The following SYDE1 variants were observed in gnomAD, a reference collection of about 807,000 sequenced individuals.
SYDE1 encodes the protein synapse defective Rho GTPase activating protein 1.
SYDE1 carries 34 observed loss-of-function variants against 63.3 expected under a neutral mutation model. The ratio of observed to expected loss-of-function variants is 0.54; its 90% CI spans 0.41 to 0.71. The LOEUF (loss-of-function observed/expected upper bound fraction) is 0.71. Among genes scored for constraint, SYDE1 ranks in the 30% least tolerant of loss-of-function variants. The pLI, the probability that SYDE1 is intolerant of heterozygous loss-of-function variation, is 0.00. For missense variants in SYDE1, 925 were observed against 1,042.5 expected (o/e 0.89, Z 1.55); for synonymous variants, 467 against 473.4 (o/e 0.99, Z 0.18).
intron 6 of SYDE1, among the ~76,000 whole-genome samples, chr19:15,112,004 A>G (rs552455131): frequency 1.3e-5 from 2 of 152,322 alleles, no homozygotes; most frequent in African/African-American, 2.4e-5. Context: ...GGATGTGTCA[A>G]AAATGCAGGC....
intron 7 of SYDE1, 107 bp downstream of exon 7, chr19:15,112,678 T>A: frequency 1.1e-6 from 1 of 909,386 alleles, no homozygotes; most frequent in Non-Finnish European, 1.6e-6. Context: ...CGCCCCCTCA[T>A]GGAGTAAACT....
chr19:15,113,684 C>G lies in SYDE1; in HGVS notation c.1929C>G (p.Pro643=), dbSNP rs1442195711. The change falls in exon 8 of 8, where the codon CCC becomes CCG. Residue 643 remains proline, a synonymous_variant. Coordinates refer to ENST00000342784, the MANE Select transcript of SYDE1 (RefSeq NM_033025.6). The part of the protein sequence containing the change: ...VVTRPRGRGG[P]ESPPSNRYAG... Reference sequence around the variant, plus strand: ...CTCGGCCCCGCGGTCGAGGAGGCCCCGAAAGCCCCCCGAGCAACCGCTACG... The same window carrying G: ...CTCGGCCCCGCGGTCGAGGAGGCCCGGAAAGCCCCCCGAGCAACCGCTACG... 1.2e-6 allele frequency: 2 copies of G among 1,613,208 alleles called. No homozygotes were observed. Among genetic ancestry groups the G allele is most frequent in the Non-Finnish European group, 1.7e-6 (2 of 1,179,846 alleles).
At position 15,111,243 on chromosome 19, in the gene SYDE1, TCACCCCA is replaced by T. The variant is rs1568329146; in HGVS notation, c.1291-68_1291-62del. 8 of 1,560,680 alleles carry T rather than the reference TCACCCCA, an allele frequency of 5.1e-6. No individual in the cohort carries two copies. Among genetic ancestry groups the T allele is most frequent in the Middle Eastern group, 1.7e-4 (1 of 5,862 alleles). ...GCTGCCTGGCCCAGAATTCCAGTGCTCACCCCACTGGGCCCTGATTAGTCTGTGGCCC... is the reference window on the plus strand; with the variant it reads ...GCTGCCTGGCCCAGAATTCCAGTGCTCTGGGCCCTGATTAGTCTGTGGCCC... On this transcript the variant is annotated intron_variant, in intron 4 of 7. Transcript: ENST00000342784. The surrounding 1 kb of genome is among the most constrained non-coding windows in gnomAD (Gnocchi z 5.5).
Position 15,109,870 on chromosome 19 carries a change from CG to C in SYDE1, c.598del (p.Val200SerfsTer141). On this transcript the variant is annotated frameshift_variant, in exon 3 of 8. Coordinates refer to ENST00000342784, the MANE Select transcript of SYDE1 (RefSeq NM_033025.6). LOFTEE classifies it high-confidence loss of function. The surrounding 1 kb of genome is among the most constrained non-coding windows in gnomAD (Gnocchi z 5.0). ...ERERAAPAGS[V>X]ISRYHLDSSV... ...GCGAGAGGGCTGCCCCTGCGGGCTC[CG>C]TCATCAGCCGCTACCACCTGGACAG... is the stretch of plus-strand genomic sequence containing the variant. The C allele has an allele frequency of 6.6e-7, 1 of 1,521,948 alleles. No individual in the cohort carries two copies. The highest frequency in any genetic ancestry group is 8.8e-7 in the Non-Finnish European group (1 of 1,138,954). 94.3% of individuals were successfully genotyped at this position (1,521,948 alleles called of 1,614,324 possible). A position where few individuals can be genotyped will look rare whatever the true frequency, so the allele number is the denominator to read the frequency against.
rs2046343260 is a variant in SYDE1, at chr19:15,111,132, G to A, written c.1291-181G>A. ...GTCAGTTTCCTAAGTCAAAGGAGAT[G>A]GCAGCCAAGACAAGTAGTCCAAGCA... On this transcript the variant is annotated intron_variant, in intron 4 of 7. Transcript: ENST00000342784. The surrounding 1 kb of genome is among the most constrained non-coding windows in gnomAD (Gnocchi z 5.5). 6.6e-6 allele frequency among the ~76,000 whole-genome samples: 1 copy of A among 152,094 alleles called. No individual in the cohort carries two copies. The highest frequency in any genetic ancestry group is 6.5e-5 in the Admixed American group (1 of 15,276).
rs943943445 is a variant in SYDE1 at position 15,111,705 on chromosome 19, G to A, written c.1491G>A (p.Glu497=). ...ITQPLYKVVL[E]AMARDPPNRV... Reference sequence around the variant, plus strand: ...AGCCCCTGTATAAGGTGGTACTGGAGGCCATGGCCCGGGACCCCCCAAACA... The same window carrying A: ...AGCCCCTGTATAAGGTGGTACTGGAAGCCATGGCCCGGGACCCCCCAAACA... The change falls in exon 6 of 8, where the codon GAG becomes GAA. Residue 497 remains glutamate, a synonymous_variant. Transcript: ENST00000342784. This position sits in a 1 kb window ranked among gnomAD's most constrained non-coding sequence, Gnocchi z 5.5. 1 of 1,613,306 alleles carries A rather than the reference G, an allele frequency of 6.2e-7. No homozygotes were observed. The highest frequency in any genetic ancestry group is 8.5e-7 in the Non-Finnish European group (1 of 1,179,614).
In SYDE1 at chr19:15,113,816, C is replaced by G. The variant is rs1347579547; in HGVS notation, c.2061C>G (p.Asp687Glu). 1.4e-5 allele frequency: 23 copies of G among 1,613,974 alleles called. No homozygotes were observed. Among genetic ancestry groups the G allele is most frequent in the Middle Eastern group, 1.6e-4 (1 of 6,084 alleles). Residue 687 changes from aspartate (D) to glutamate (E), a missense_variant, in exon 8 of 8, where the codon GAC (aspartate) becomes GAG (glutamate). Asp to Glu is a conservative substitution (Grantham distance 45, BLOSUM62 2). This residue lies in a region of SYDE1 where 255 missense variants were observed against 255.9 expected (regional missense o/e 1.00). Transcript: ENST00000342784. ...CGGGCAGTGACAGCGAGGACGAGGA[C>G]GAGGAGGTCGGCGAGCCGAGGGTCA... ...HVTGSDSEDE[D>E]EEVGEPRVTG... is the part of the protein sequence containing the mutation.
Position 15,109,905 on chromosome 19 carries a change from G to GGGGCCCC in SYDE1, c.638_644dup (p.Ala216ArgfsTer179). ...CGCTACCACCTGGACAGCAGCGTGG[G>GGGGCCCC]GGGCCCCGGGCCGGCAGCAGGGCCT... On this transcript the variant is annotated frameshift_variant, in exon 3 of 8. Coordinates refer to ENST00000342784, the MANE Select transcript of SYDE1 (RefSeq NM_033025.6). LOFTEE classifies it high-confidence loss of function. The surrounding 1 kb of genome is among the most constrained non-coding windows in gnomAD (Gnocchi z 5.0). The GGGGCCCC allele has an allele frequency of 6.8e-7, 1 of 1,474,546 alleles. No homozygotes were observed. The highest frequency in any genetic ancestry group is 8.9e-7 in the Non-Finnish European group (1 of 1,118,550). 91.3% of individuals were successfully genotyped at this position (1,474,546 alleles called of 1,614,324 possible).
rs777708878 is a variant in SYDE1, at chr19:15,109,860, C to T, written c.587C>T (p.Pro196Leu). The change falls in exon 3 of 8, where the codon CCT becomes CTT. Residue 196 changes from proline (P) to leucine (L), a missense_variant. Pro to Leu is a moderately conservative substitution (Grantham distance 98). Transcript: ENST00000342784. The surrounding 1 kb of genome is among the most constrained non-coding windows in gnomAD (Gnocchi z 5.0). ...GGCAGGGAGCGCGAGAGGGCTGCCC[C>T]TGCGGGCTCCGTCATCAGCCGCTAC... ...RAGRERERAA[P>L]AGSVISRYHL... is the part of the protein sequence containing the mutation. 9.2e-6 allele frequency: 14 copies of T among 1,526,862 alleles called. No individual in the cohort carries two copies. The highest frequency in any genetic ancestry group is 4.4e-6 in the Non-Finnish European group (5 of 1,141,952). 94.6% of individuals were successfully genotyped at this position (1,526,862 alleles called of 1,614,324 possible).
At position 15,109,013 on chromosome 19, in the gene SYDE1, A is replaced by T; in HGVS notation, c.89-43A>T. 6.9e-7 allele frequency: 1 copy of T among 1,446,958 alleles called. No individual in the cohort carries two copies. The highest frequency in any genetic ancestry group is 1.4e-5 in the African/African-American group (1 of 69,986). The allele number at this position is 1,446,958 out of a possible 1,614,324, so 89.6% of individuals were successfully genotyped here. ...AATTGCACAGGGCTGCTCTGCAGGC[A>T]GTGAGGGGCTGGGTGGGTCTCACTC... On this transcript the variant is annotated intron_variant, in intron 1 of 7. Transcript: ENST00000342784. This position sits in a 1 kb window ranked among gnomAD's most constrained non-coding sequence, Gnocchi z 5.0.
In SYDE1 at chr19:15,110,150, C is replaced by T. The variant is rs1168743178; in HGVS notation, c.877C>T (p.Leu293=). The part of the protein sequence containing the change: ...GATPRDLCCL[L]QVDGEARART... ...CACCCCCAGGGACCTCTGCTGCCTA[C>T]TGCAAGTGGATGGGGAGGCCAGGGC... Residue 293 remains leucine (L), a synonymous_variant, in exon 3 of 8, where the codon CTG becomes TTG. Transcript: ENST00000342784. This position sits in a 1 kb window ranked among gnomAD's most constrained non-coding sequence, Gnocchi z 6.9. 1 of 1,408,562 alleles carries T rather than the reference C, an allele frequency of 7.1e-7. No homozygotes were observed. Among genetic ancestry groups the T allele is most frequent in the Non-Finnish European group, 9.2e-7 (1 of 1,086,016 alleles). 87.3% of individuals were successfully genotyped at this position (1,408,562 alleles called of 1,614,324 possible).
chr19:15,109,113 A>C lies in SYDE1; in HGVS notation c.146A>C (p.Glu49Ala). 1.3e-6 allele frequency: 2 copies of C among 1,545,552 alleles called. No homozygotes were observed. The highest frequency in any genetic ancestry group is 2.4e-5 in the South Asian group (2 of 83,534). ...CCAGAGCCAGAGCCCCAGGCTCCCG[A>C]AGGGTCCCAGGCCGGAGCAGAGGGG... The part of the protein sequence containing the change: ...SPPEPEPQAP[E>A]GSQAGAEGPS... Residue 49 changes from glutamate (E) to alanine (A), a missense_variant, in exon 2 of 8, where the codon GAA (glutamate) becomes GCA (alanine). By Grantham distance (107) the Glu-to-Ala change is moderately radical (BLOSUM62 -1). Transcript: ENST00000342784. The surrounding 1 kb of genome is among the most constrained non-coding windows in gnomAD (Gnocchi z 5.0).
At chr19:15,112,841 C>T (rs2046354018) in intron 7 of SYDE1, among the ~76,000 whole-genome samples, 1 of 152,224 alleles carries the variant, frequency 6.6e-6, no homozygotes, top group Non-Finnish European at 1.5e-5. Context: ...GCCTCAGCCT[C>T]CCAAAGTACT....
In SYDE1 at chr19:15,110,940, T is replaced by C. The variant is rs1008451551; in HGVS notation, c.1290+205T>C. Reference sequence around the variant, plus strand: ...GTCATCCATTGATTTAAAAACAGGATCCAAGCCCTCCTGGGGCTCAGAGTC... The same window carrying C: ...GTCATCCATTGATTTAAAAACAGGACCCAAGCCCTCCTGGGGCTCAGAGTC... On this transcript the variant is annotated intron_variant, in intron 4 of 7. Transcript: ENST00000342784. The surrounding 1 kb of genome is among the most constrained non-coding windows in gnomAD (Gnocchi z 6.9). Among the ~76,000 whole-genome samples, 49 of 152,178 alleles carry C rather than the reference T, an allele frequency of 3.2e-4. No individual in the cohort carries two copies. Among genetic ancestry groups the C allele is most frequent in the African/African-American group, 1.2e-3 (49 of 41,502 alleles).
Position 15,111,399 on chromosome 19 carries a change from CCTAT to C in SYDE1, c.1380_1383del (p.Ser461ArgfsTer68), listed in dbSNP as rs772818081. 8 of 1,614,136 alleles carry C rather than the reference CCTAT, an allele frequency of 5.0e-6. No individual in the cohort carries two copies. Among genetic ancestry groups the C allele is most frequent in the Non-Finnish European group, 6.8e-6 (8 of 1,179,996 alleles). ...TTGAGCGGGACAGTGCAGCGGTCTG[CCTAT>C]CTGAGGACCTGTACCCCGATATCAA... is the stretch of plus-strand genomic sequence containing the variant. On this transcript the variant is annotated frameshift_variant, in exon 5 of 8. Transcript: ENST00000342784. LOFTEE classifies it high-confidence loss of function. The surrounding 1 kb of genome is among the most constrained non-coding windows in gnomAD (Gnocchi z 5.5).
In SYDE1 at chr19:15,110,220, A is replaced by G. The variant is rs1047840608; in HGVS notation, c.947A>G (p.Asp316Gly). 1 of 1,418,664 alleles carries G rather than the reference A, an allele frequency of 7.0e-7. No individual in the cohort carries two copies. The highest frequency in any genetic ancestry group is 2.7e-5 in the East Asian group (1 of 36,802). The allele number at this position is 1,418,664 out of a possible 1,614,324, so 87.9% of individuals were successfully genotyped here. The change falls in exon 3 of 8, where the codon GAC (aspartate) becomes GGC (glycine). Residue 316 changes from aspartate (D) to glycine (G), a missense_variant. Transcript: ENST00000342784. This position sits in a 1 kb window ranked among gnomAD's most constrained non-coding sequence, Gnocchi z 6.9. ...LRGGPDFLRL[D>G]HTFHLELEAA... ...GGGGGGCCGGACTTCCTGCGGCTGG[A>G]CCACACCTTCCACCTGGAGCTGGAG...
At position 15,110,405 on chromosome 19, in the gene SYDE1, C is replaced by T. The variant is rs894095417; in HGVS notation, c.1075+57C>T. On this transcript the variant is annotated intron_variant, in intron 3 of 7. Transcript: ENST00000342784. This position sits in a 1 kb window ranked among gnomAD's most constrained non-coding sequence, Gnocchi z 6.9. ...AGGGACCCCCAAACCCCACCGCCACCCCCCGCAGAGTGCCTAGGGGGCTGG... is the reference window on the plus strand; with the variant it reads ...AGGGACCCCCAAACCCCACCGCCACTCCCCGCAGAGTGCCTAGGGGGCTGG... 4 of 1,450,722 alleles carry T rather than the reference C, an allele frequency of 2.8e-6. No individual in the cohort carries two copies. Among genetic ancestry groups the T allele is most frequent in the African/African-American group, 1.4e-5 (1 of 70,782 alleles). The allele number at this position is 1,450,722 out of a possible 1,614,324, so 89.9% of individuals were successfully genotyped here.
chr19:15,109,712 C>T lies in SYDE1; in HGVS notation c.439C>T (p.Pro147Ser). 2 of 1,507,612 alleles carry T rather than the reference C, an allele frequency of 1.3e-6. No individual in the cohort carries two copies. The highest frequency in any genetic ancestry group is 2.5e-5 in the South Asian group (2 of 79,398). The allele number at this position is 1,507,612 out of a possible 1,614,324, so 93.4% of individuals were successfully genotyped here. ...GTCTGCTCTCCACACAGGTGCAGCCCCCGCCAGCCCCCCAACCAAAGCCTC... is the reference window on the plus strand; with the variant it reads ...GTCTGCTCTCCACACAGGTGCAGCCTCCGCCAGCCCCCCAACCAAAGCCTC... The part of the protein sequence containing the change: ...SEGLAPQGAA[P>S]ASPPTKASRT... The change falls in exon 3 of 8, where the codon CCC becomes TCC. Residue 147 changes from proline (P) to serine (S), a missense_variant. Pro to Ser is a moderately conservative substitution (Grantham distance 74). This residue lies in a region of SYDE1 where 599 missense variants were observed against 653.7 expected (regional missense o/e 0.92). Transcript: ENST00000342784. This position sits in a 1 kb window ranked among gnomAD's most constrained non-coding sequence, Gnocchi z 5.0.
At position 15,113,680 on chromosome 19, in the gene SYDE1, G is replaced by A; in HGVS notation, c.1925G>A (p.Gly642Asp). 1 of 1,613,284 alleles carries A rather than the reference G, an allele frequency of 6.2e-7. No homozygotes were observed. Among genetic ancestry groups the A allele is most frequent in the Non-Finnish European group, 8.5e-7 (1 of 1,179,818 alleles). The part of the protein sequence containing the change: ...EVVTRPRGRG[G>D]PESPPSNRYA... ...GTGACTCGGCCCCGCGGTCGAGGAG[G>A]CCCCGAAAGCCCCCCGAGCAACCGC... The change falls in exon 8 of 8, where the codon GGC (glycine) becomes GAC (aspartate). Residue 642 changes from glycine to aspartate, a missense_variant. Physicochemically the swap from Gly to Asp is moderately conservative, Grantham distance 94. This residue lies in a region of SYDE1 where 255 missense variants were observed against 255.9 expected (regional missense o/e 1.00). Transcript: ENST00000342784.
Sources: gnomAD v4.1 joint callset for allele counts (sites outside exome capture counted in the v4.1 genomes callset) on GRCh38, gnomAD v4.1.1 for gene constraint, gnomAD v4.1.1 regional missense constraint, Gnocchi (gnomAD v3.1) non-coding constraint, MANE v1.5 for transcripts, NCBI Gene and HGNC (gene_info 2026-07-23, HGNC 2026-07-21) for gene names.